Variants in MCM8 observed in about 807,000 individuals in gnomAD.
MCM8 encodes the protein DNA helicase MCM8.
In MCM8, 85 loss-of-function variants were observed where a neutral mutation model predicts 98.9. The observed-to-expected ratio is 0.86, with a 90% CI of 0.72 to 1.03. The LOEUF is 1.03. MCM8 is among the 50% of genes least tolerant of loss of function. MCM8 has a pLI of 0.00. For synonymous variants in MCM8, 352 were observed against 338.6 expected (o/e 1.04, Z -0.44); for missense variants, 951 against 997.8 (o/e 0.95, Z 0.63).
chr20:5,972,761 C>T (rs1161934202), intron 11 of MCM8: 1 of 1,341,000 alleles, frequency 7.5e-7, no homozygotes, highest in East Asian at 4.4e-5. Context: ...CTAGACACTG[C>T]CAGTATTAAA....
At position 5,952,459 on chromosome 20, in the gene MCM8, C is replaced by T; in HGVS notation, c.184C>T (p.Pro62Ser). Reference protein sequence around the residue: ...TPQFLLSTKTPQSMQSTLDRF... With the variant: ...TPQFLLSTKTSQSMQSTLDRF... ...ACAGTTTTTGCTTTCAACAAAGACC[C>T]CACAGTCAATGCAGTCAACATTGGA... The change falls in exon 3 of 19, where the codon CCA becomes TCA. Residue 62 changes from proline to serine, a missense_variant. Pro to Ser is a moderately conservative substitution (Grantham distance 74, BLOSUM62 -1). Transcript: ENST00000610722. 5 of 1,613,860 alleles carry T rather than the reference C, an allele frequency of 3.1e-6. No homozygotes were observed. In the South Asian group the frequency reaches 3.3e-5, roughly 11 times the overall value.
At chr20:5,958,796 T>A in intron 7 of MCM8, 70 bp downstream of exon 7, 1 of 1,375,394 alleles carries the variant, frequency 7.3e-7, no homozygotes, top group Non-Finnish European at 1.0e-6. Context: ...AGAAAACATT[T>A]CCCAGTGTTT....
intron 5 of MCM8, among the ~76,000 whole-genome samples, chr20:5,956,663 G>A (rs2088990096): frequency 6.6e-6 from 1 of 152,102 alleles, no homozygotes; most frequent in Non-Finnish European, 1.5e-5. Flanking sequence ...CAAAGTGCTG[G>A]GATAACAGGT....
At chr20:5,987,595 G>A (rs941454527) in intron 17 of MCM8, among the ~76,000 whole-genome samples, 1 of 152,050 alleles carries the variant, frequency 6.6e-6, no homozygotes, top group African/African-American at 2.4e-5. Context: ...AAAACCTATT[G>A]GAGAAGAGCT....
intron 9 of MCM8, 66 bp downstream of exon 9, chr20:5,967,653 G>C: frequency 6.6e-7 from 1 of 1,521,284 alleles, no homozygotes; most frequent in Non-Finnish European, 8.9e-7. Context: ...TCTTTTCTAA[G>C]ATGCTCCTGA....
intron 7 of MCM8, among the ~76,000 whole-genome samples, chr20:5,960,205 C>T (rs1318676232): frequency 6.6e-6 from 1 of 152,124 alleles, no homozygotes; most frequent in African/African-American, 2.4e-5. Context: ...CTTTTCATAT[C>T]TTTACTGGCC....
intron 15 of MCM8, among the ~76,000 whole-genome samples, chr20:5,985,514 G>C (rs2089714275): frequency 6.6e-6 from 1 of 151,406 alleles, no homozygotes; most frequent in African/African-American, 2.4e-5. Context: ...TTGATTTGGA[G>C]AGTCTTTTAG....
intron 12 of MCM8, among the ~76,000 whole-genome samples, chr20:5,976,134 A>G (rs1269375240): frequency 6.6e-6 from 1 of 151,808 alleles, no homozygotes; most frequent in East Asian, 1.9e-4. Flanking sequence ...TCTAAAAACA[A>G]TTTTAAAAAA....
intron 10 of MCM8, among the ~76,000 whole-genome samples, chr20:5,969,435 T>C (rs1294932970): frequency 1.3e-5 from 2 of 151,894 alleles, no homozygotes; most frequent in African/African-American, 2.4e-5. Flanking sequence ...CTACTAAAAA[T>C]AGAAAAATTA....
chr20:5,982,579 A>T (rs1330527673), intron 13 of MCM8, among the ~76,000 whole-genome samples: 2 of 152,228 alleles, frequency 1.3e-5, no homozygotes, highest in African/African-American at 2.4e-5. Context: ...CTTATTAAAC[A>T]TAATAAACTT....
At chr20:5,970,309 A>C (rs1321443571) in intron 10 of MCM8, among the ~76,000 whole-genome samples, 1 of 152,196 alleles carries the variant, frequency 6.6e-6, no homozygotes, top group Non-Finnish European at 1.5e-5. Flanking sequence ...AGGTTCCTTC[A>C]GAAGCAATGA....
At chr20:5,953,775 A>G (rs1334144102) in intron 3 of MCM8, among the ~76,000 whole-genome samples, 1 of 134,238 alleles carries the variant, frequency 7.4e-6, no homozygotes, top group Non-Finnish European at 1.5e-5. Flanking sequence ...ACCCAGCCGC[A>G]TACTTTTTTT....
chr20:5,993,749 TATATAGTAG>T, intron 18 of MCM8, 54 bp downstream of exon 18: 4 of 1,386,330 alleles, frequency 2.9e-6, no homozygotes, highest in Non-Finnish European at 3.9e-6. Context: ...TCCTTGTTAA[TATATAGTAG>T]AACAGAAACA....
At chr20:5,979,645 G>T (rs1199385542) in intron 13 of MCM8, among the ~76,000 whole-genome samples, 1 of 152,114 alleles carries the variant, frequency 6.6e-6, no homozygotes, top group African/African-American at 2.4e-5. Context: ...CTTGTTGGCT[G>T]TACCATCAAA....
intron 8 of MCM8, among the ~76,000 whole-genome samples, chr20:5,963,989 T>G (rs1325038477): frequency 6.6e-6 from 1 of 152,254 alleles, no homozygotes; most frequent in African/African-American, 2.4e-5. Flanking sequence ...TGTGCTTCAT[T>G]CCATATTGAG....
In MCM8 at chr20:5,993,696, G is replaced by A; in HGVS notation, c.2430+1G>A. 1 of 1,593,074 alleles carries A rather than the reference G, an allele frequency of 6.3e-7. No homozygotes were observed. Among genetic ancestry groups the A allele is most frequent in the Non-Finnish European group, 8.6e-7 (1 of 1,166,724 alleles). On this transcript the variant is annotated splice_donor_variant, in intron 18 of 18. Coordinates refer to ENST00000610722, the MANE Select transcript of MCM8 (RefSeq NM_032485.6). LOFTEE classifies it high-confidence loss of function. ...GATTGCCAAAGAACTAAACATTCAG[G>A]TATGTTAAACTAGTTAATCTCTTTT...
At chr20:5,969,730 G>GT (rs1368818476) in intron 10 of MCM8, among the ~76,000 whole-genome samples, 12 of 152,126 alleles carry the variant, frequency 7.9e-5, no homozygotes, top group Admixed American at 7.2e-4. Flanking sequence ...CTCCACAGGG[G>GT]TTTTTTGTCC....
chr20:5,964,526 A>C (rs1250155084), intron 8 of MCM8: 1 of 152,212 alleles, frequency 6.6e-6, no homozygotes, highest in Non-Finnish European at 1.5e-5. Flanking sequence ...TTACCACTTA[A>C]GAGGGACAAA....
At chr20:5,972,272 A>G (rs1264629991) in intron 11 of MCM8, among the ~76,000 whole-genome samples, 1 of 150,484 alleles carries the variant, frequency 6.6e-6, no homozygotes, top group Non-Finnish European at 1.5e-5. Flanking sequence ...TGGCACAGTC[A>G]TGGCTCACTG....
Sources: allele counts gnomAD v4.1 joint callset (sites outside exome capture counted in the v4.1 genomes callset), GRCh38; gene constraint gnomAD v4.1.1; transcripts MANE v1.5; gene names NCBI Gene and HGNC (gene_info 2026-07-23, HGNC 2026-07-21).